The following NXPH1 variants were observed in gnomAD, a reference collection of about 807,000 sequenced individuals.
The protein encoded by NXPH1 is neurexophilin 1.
NXPH1 carries 5 observed loss-of-function variants against 23.7 expected under a neutral mutation model. The observed-to-expected ratio is 0.21, with a 90% CI of 0.11 to 0.44. The LOEUF (loss-of-function observed/expected upper bound fraction) is 0.44, where lower values mean the gene tolerates loss of function less well. Ranked by LOEUF, NXPH1 falls within the 20% of genes least tolerant of loss-of-function variation. The pLI is 0.99. For missense variants in NXPH1, 324 were observed against 321.6 expected (o/e 1.01, Z -0.06); for synonymous variants, 144 against 122.2 (o/e 1.18, Z -1.18).
intron 2 of NXPH1, among the ~76,000 whole-genome samples, chr7:8,647,660 T>C (rs2115148852): frequency 6.6e-6 from 1 of 152,214 alleles, no homozygotes; most frequent in East Asian, 1.9e-4. Context: ...TTAAATGATG[T>C]TGGAATTATG....
intron 2 of NXPH1, among the ~76,000 whole-genome samples, chr7:8,453,001 T>C (rs769308501): frequency 6.6e-6 from 1 of 152,118 alleles, no homozygotes; most frequent in Non-Finnish European, 1.5e-5. Flanking sequence ...CCCAGGAATA[T>C]AGTATCTGCA....
At chr7:8,700,995 C>T (rs1779615727) in intron 2 of NXPH1, among the ~76,000 whole-genome samples, 1 of 151,862 alleles carries the variant, frequency 6.6e-6, no homozygotes, top group Non-Finnish European at 1.5e-5. Flanking sequence ...ATAAATAATG[C>T]TTTTTTGGAA....
At chr7:8,617,998 A>G (rs950119560) in intron 2 of NXPH1, among the ~76,000 whole-genome samples, 2 of 152,228 alleles carry the variant, frequency 1.3e-5, no homozygotes, top group Admixed American at 1.3e-4. Flanking sequence ...ATATACATCT[A>G]TTATGTACCC....
At chr7:8,481,288 G>A (rs1817067883) in intron 2 of NXPH1, among the ~76,000 whole-genome samples, 1 of 152,120 alleles carries the variant, frequency 6.6e-6, no homozygotes, top group Non-Finnish European at 1.5e-5. Context: ...TTATTCACAT[G>A]AGGCCATAGT....
At chr7:8,579,564 G>T (rs1818826385) in intron 2 of NXPH1, among the ~76,000 whole-genome samples, 1 of 152,058 alleles carries the variant, frequency 6.6e-6, no homozygotes, top group South Asian at 2.1e-4. Context: ...CAGAGACGGG[G>T]TTTCTCCATG....
intron 2 of NXPH1, among the ~76,000 whole-genome samples, chr7:8,713,322 T>C (rs1197777341): frequency 2.6e-5 from 4 of 152,300 alleles, no homozygotes; most frequent in African/African-American, 9.6e-5. Flanking sequence ...CTTTGCTAAA[T>C]TTATCTGATA....
chr7:8,524,580 A>G (rs752712514), intron 2 of NXPH1, among the ~76,000 whole-genome samples: 115 of 152,166 alleles, frequency 7.6e-4, no homozygotes, highest in Admixed American at 1.8e-3. Context: ...GGTGTCTGAT[A>G]TGGTTTAGCT....
chr7:8,745,622 G>C lies in NXPH1; in HGVS notation c.55-5386G>C, dbSNP rs141227423. Among the ~76,000 whole-genome samples the C allele has an allele frequency of 8.5e-3, 1,285 of 152,044 alleles. 21 individuals are homozygous for C. The highest frequency in any genetic ancestry group is 0.029 in the African/African-American group (1,218 of 41,472). ...GGCTGGAGTGCAGTGGTGCAATCTT[G>C]GCTCACTGCAACCTCTGTTTCCCTG... On this transcript the variant is annotated intron_variant, in intron 2 of 2. Coordinates refer to ENST00000405863, the MANE Select transcript of NXPH1 (RefSeq NM_152745.3).
intron 2 of NXPH1, among the ~76,000 whole-genome samples, chr7:8,693,848 C>A (rs550680754): frequency 6.6e-5 from 10 of 152,238 alleles, no homozygotes; most frequent in Admixed American, 5.9e-4. Flanking sequence ...TTTTTCCTCT[C>A]AGTTTGGTGT....
chr7:8,687,817 C>G (rs1821170407), intron 2 of NXPH1, among the ~76,000 whole-genome samples: 1 of 152,150 alleles, frequency 6.6e-6, no homozygotes, highest in South Asian at 2.1e-4. Context: ...TCTGCTGAGA[C>G]ATTCTGAAAA....
chr7:8,595,609 C>A (rs1819204965), intron 2 of NXPH1, among the ~76,000 whole-genome samples: 1 of 151,878 alleles, frequency 6.6e-6, no homozygotes, highest in Non-Finnish European at 1.5e-5. Flanking sequence ...TTGATAAAAT[C>A]CAGTTTTTAA....
chr7:8,662,676 T>C (rs948252026), intron 2 of NXPH1, among the ~76,000 whole-genome samples: 1 of 152,062 alleles, frequency 6.6e-6, no homozygotes, highest in Admixed American at 6.6e-5. Context: ...GAAAGTCAGA[T>C]AGCAAGTAAA....
At chr7:8,500,917 A>G (rs1817420355) in intron 2 of NXPH1, among the ~76,000 whole-genome samples, 3 of 152,066 alleles carry the variant, frequency 2.0e-5, no homozygotes, top group African/African-American at 7.2e-5. Context: ...CCTGAATTTG[A>G]ATATACACGT....
At chr7:8,492,872 CTA>C (rs1817272967) in intron 2 of NXPH1, among the ~76,000 whole-genome samples, 1 of 151,920 alleles carries the variant, frequency 6.6e-6, no homozygotes, top group South Asian at 2.1e-4. Flanking sequence ...GCTGGAAACT[CTA>C]TTTATTGATT....
At chr7:8,500,401 G>C (rs1350032400) in intron 2 of NXPH1, among the ~76,000 whole-genome samples, 1 of 152,064 alleles carries the variant, frequency 6.6e-6, no homozygotes, top group Non-Finnish European at 1.5e-5. Flanking sequence ...TTTAGGGTCA[G>C]GCTGCTTGAG....
intron 2 of NXPH1, among the ~76,000 whole-genome samples, chr7:8,626,332 T>G (rs540954869): frequency 2.0e-5 from 3 of 152,090 alleles, no homozygotes; most frequent in African/African-American, 7.2e-5. Context: ...TTGAACCTCA[T>G]GGACTATAAT....
At chr7:8,574,315 T>C (rs746541638) in intron 2 of NXPH1, among the ~76,000 whole-genome samples, 1 of 152,164 alleles carries the variant, frequency 6.6e-6, no homozygotes, top group Non-Finnish European at 1.5e-5. Context: ...GGTCTTTCTA[T>C]GTTGCCCAGG....
chr7:8,731,316 C>A (rs532833367), intron 2 of NXPH1, among the ~76,000 whole-genome samples: 11 of 152,104 alleles, frequency 7.2e-5, no homozygotes, highest in African/African-American at 2.4e-4. Flanking sequence ...GTAATTTGAT[C>A]GTCTGAAGCC....
At chr7:8,717,191 C>A (rs181457119) in intron 2 of NXPH1, among the ~76,000 whole-genome samples, 1 of 152,200 alleles carries the variant, frequency 6.6e-6, no homozygotes, top group East Asian at 1.9e-4. Flanking sequence ...GATGATGCAT[C>A]CTTTCTCTTG....
Sources: gnomAD v4.1 joint callset for allele counts (sites outside exome capture counted in the v4.1 genomes callset) on GRCh38, gnomAD v4.1.1 for gene constraint, MANE v1.5 for transcripts, NCBI Gene and HGNC (gene_info 2026-07-23, HGNC 2026-07-21) for gene names.